TRAM1: variants seen among roughly 807,000 people sequenced by gnomAD.
The protein encoded by TRAM1 is translocation associated membrane protein 1, also known as translocating chain-associated membrane protein 1.
Under a neutral mutation model 48.7 loss-of-function variants are expected in TRAM1, and 17 were observed. The observed-to-expected ratio is 0.35, with a 90% CI of 0.24 to 0.52. The LOEUF (loss-of-function observed/expected upper bound fraction) is 0.52. Among genes scored for constraint, TRAM1 ranks in the 20% least tolerant of loss-of-function variants. The probability of loss-of-function intolerance (pLI) is 0.94; values close to 1 mark genes in which losing one functional copy is unlikely to be tolerated. For synonymous variants in TRAM1, 182 were observed against 154.0 expected, an observed-to-expected ratio of 1.18 and a Z score of -1.34; for missense variants, 351 against 441.5, an observed-to-expected ratio of 0.79 and a Z score of 1.84.
intron 6 of TRAM1, among the ~76,000 whole-genome samples, chr8:70,591,896 GATGTGGAAAAA>G (rs1409529141): frequency 6.6e-6 from 1 of 152,108 alleles, no homozygotes; most frequent in Non-Finnish European, 1.5e-5. Flanking sequence ...ATGACGTCAT[GATGTGGAAAAA>G]ATGTCATCAG....
intron 1 of TRAM1, among the ~76,000 whole-genome samples, chr8:70,602,415 G>A (rs755159367): frequency 4.6e-5 from 7 of 152,298 alleles, no homozygotes; most frequent in East Asian, 1.9e-4. Context: ...AGGATAGAAA[G>A]AGAATAACGG....
At position 70,603,381 on chromosome 8, in the gene TRAM1, ATATG is replaced by A. The variant is rs1489007716; in HGVS notation, c.124-3303_124-3300del. On this transcript the variant is annotated intron_variant, in intron 1 of 10. Transcript: ENST00000262213. ...TCCACATCCCTGTTTCCAGTTTGTA[ATATG>A]AAGTCACCACTGTCACACCTAAGAA... Among the ~76,000 whole-genome samples the A allele has an allele frequency of 5.9e-5, 9 of 152,104 alleles. No homozygotes were observed. In the South Asian group the frequency reaches 1.9e-3, roughly 32 times the overall value.
rs949299453 is a variant in TRAM1, at chr8:70,574,351, T to A, written c.*581A>T. ...TTGTAACGATTATTATGTTTTTGTT[T>A]TTAAAATGGGGATGTAATACTAATA... On this transcript the variant is annotated 3_prime_UTR_variant, in exon 11 of 11. Transcript: ENST00000262213. 8.6e-5 allele frequency: 25 copies of A among 289,918 alleles called. No individual in the cohort carries two copies. The Admixed American group carries it at 1.1e-3, about 13-fold the overall frequency. The allele number at this position is 289,918 out of a possible 1,614,324, so 18.0% of individuals were successfully genotyped here.
intron 5 of TRAM1, 86 bp from the exon 6 acceptor site, chr8:70,594,676 CTAAG>C: frequency 6.9e-6 from 7 of 1,019,218 alleles, no homozygotes; most frequent in South Asian, 5.1e-5. Context: ...TCAGGATATA[CTAAG>C]TAACTACCTT....
rs1199097637 is a variant in TRAM1 at position 70,608,355 on chromosome 8, C to G, written c.-156G>C. On this transcript the variant is annotated 5_prime_UTR_variant, in exon 1 of 11. Coordinates refer to ENST00000262213, the MANE Select transcript of TRAM1 (RefSeq NM_014294.6). ...TTCCCATCCCACAGCCAGTACGCAG[C>G]CGCCGGGCCGCCCGGGGGAAAAAAA... 1.2e-6 allele frequency: 1 copy of G among 837,822 alleles called. No homozygotes were observed. Among genetic ancestry groups the G allele is most frequent in the Non-Finnish European group, 1.6e-6 (1 of 617,990 alleles). 51.9% of individuals were successfully genotyped at this position (837,822 alleles called of 1,614,324 possible).
At chr8:70,575,712 A>G (rs984296215) in intron 10 of TRAM1, among the ~76,000 whole-genome samples, 1 of 152,186 alleles carries the variant, frequency 6.6e-6, no homozygotes, top group South Asian at 2.1e-4. Context: ...TGCACCTATA[A>G]TCACAGCACA....
intron 5 of TRAM1, 70 bp downstream of exon 5, chr8:70,596,193 G>T: frequency 7.8e-7 from 1 of 1,277,810 alleles, no homozygotes; most frequent in Non-Finnish European, 1.1e-6. Flanking sequence ...AGAATAACAA[G>T]AATGAATTCT....
Position 70,608,078 on chromosome 8 carries a change from T to C in TRAM1, c.122A>G (p.Glu41Gly). Residue 41 changes from glutamate (E) to glycine (G), a missense_variant and splice_region_variant, in exon 1 of 11, where the codon GAG becomes GGG. Physicochemically the swap from Glu to Gly is moderately conservative, Grantham distance 98 (BLOSUM62 -2). Transcript: ENST00000262213. Reference sequence around the variant, plus strand: ...GGTTGGGACTCGGGGCGGGCTCACCTCAAACATGAGCCCCAGCAGGAAGAC... The same window carrying C: ...GGTTGGGACTCGGGGCGGGCTCACCCCAAACATGAGCCCCAGCAGGAAGAC... Reference protein sequence around the residue: ...AMVFLLGLMFEITAKASIIFV... With the variant: ...AMVFLLGLMFGITAKASIIFV... 1 of 1,596,050 alleles carries C rather than the reference T, an allele frequency of 6.3e-7. No individual in the cohort carries two copies. Among genetic ancestry groups the C allele is most frequent in the Non-Finnish European group, 8.5e-7 (1 of 1,172,560 alleles).
At position 70,608,169 on chromosome 8, in the gene TRAM1, G is replaced by A. The variant is rs1420990336; in HGVS notation, c.31C>T (p.Pro11Ser). The change falls in exon 1 of 11, where the codon CCC (proline) becomes TCC (serine). Residue 11 changes from proline to serine, a missense_variant. Physicochemically the swap from Pro to Ser is moderately conservative, Grantham distance 74 (BLOSUM62 -1). Transcript: ENST00000262213. MAIRKKSTKS[P>S]PVLSHEFVLQ... ...ACGAATTCGTGGCTCAGCACTGGGGGGCTCTTGGTGCTTTTCTTGCGAATC... is the reference window on the plus strand; with the variant it reads ...ACGAATTCGTGGCTCAGCACTGGGGAGCTCTTGGTGCTTTTCTTGCGAATC... 6.3e-7 allele frequency: 1 copy of A among 1,592,340 alleles called. No homozygotes were observed. Among genetic ancestry groups the A allele is most frequent in the Non-Finnish European group, 8.5e-7 (1 of 1,170,790 alleles).
At chr8:70,585,140 T>C (rs1362380177) in intron 8 of TRAM1, among the ~76,000 whole-genome samples, 1 of 152,170 alleles carries the variant, frequency 6.6e-6, no homozygotes, top group Non-Finnish European at 1.5e-5. Context: ...TCTACAACCA[T>C]CTGATCTTTG....
At chr8:70,600,540 C>A (rs1817586939) in intron 1 of TRAM1, among the ~76,000 whole-genome samples, 4 of 152,090 alleles carry the variant, frequency 2.6e-5, no homozygotes, top group Admixed American at 2.6e-4. Context: ...GTTAAGTGGT[C>A]AATAACTGTT....
intron 10 of TRAM1, among the ~76,000 whole-genome samples, chr8:70,577,721 A>C (rs1311766286): frequency 6.6e-6 from 1 of 152,208 alleles, no homozygotes; most frequent in East Asian, 1.9e-4. Flanking sequence ...CAAGAAAGAG[A>C]GAAGAGCTGT....
At chr8:70,585,710 A>C (rs1817200261) in intron 8 of TRAM1, among the ~76,000 whole-genome samples, 1 of 122,622 alleles carries the variant, frequency 8.2e-6, no homozygotes, top group Admixed American at 7.9e-5. Context: ...TGCAAATCAA[A>C]ACCACAATGA....
At chr8:70,575,504 G>C (rs772797178) in intron 10 of TRAM1, among the ~76,000 whole-genome samples, 7 of 151,968 alleles carry the variant, frequency 4.6e-5, no homozygotes, top group Non-Finnish European at 1.0e-4. Context: ...ATGCAGTCTT[G>C]AACTCCCGGG....
intron 1 of TRAM1, chr8:70,607,748 A>C: frequency 5.8e-6 from 1 of 171,994 alleles, no homozygotes; most frequent in Non-Finnish European, 1.2e-5. Flanking sequence ...GCCGGCTGCC[A>C]CGTAACCCTT....
intron 5 of TRAM1, among the ~76,000 whole-genome samples, chr8:70,595,112 A>G (rs1457765184): frequency 6.6e-6 from 1 of 150,996 alleles, no homozygotes; most frequent in Admixed American, 6.6e-5. Context: ...AAATAAATGG[A>G]GGCAGAGCTA....
At chr8:70,603,303 TACACAC>T (rs35864770) in intron 1 of TRAM1, among the ~76,000 whole-genome samples, 1,844 of 149,990 alleles carry the variant, frequency 0.012, 18 homozygotes, top group African/African-American at 0.024. Context: ...ATATGTTTTA[TACACAC>T]ACACACACAC....
At chr8:70,597,336 A>G (rs1817510112) in intron 4 of TRAM1, among the ~76,000 whole-genome samples, 1 of 152,268 alleles carries the variant, frequency 6.6e-6, no homozygotes, top group South Asian at 2.1e-4. Flanking sequence ...CATGTAACCT[A>G]CGCTTTTTGC....
At chr8:70,606,575 A>G (rs904012598) in intron 1 of TRAM1, among the ~76,000 whole-genome samples, 1 of 152,212 alleles carries the variant, frequency 6.6e-6, no homozygotes, top group Non-Finnish European at 1.5e-5. Flanking sequence ...TACAGGTGAT[A>G]TTATTTCCTG....
Sources: allele counts gnomAD v4.1 joint callset (sites outside exome capture counted in the v4.1 genomes callset), GRCh38; gene constraint gnomAD v4.1.1; transcripts MANE v1.5; gene names NCBI Gene and HGNC (gene_info 2026-07-23, HGNC 2026-07-21).